The following TMEM87B variants were observed in gnomAD, a reference collection of about 807,000 sequenced individuals.
TMEM87B encodes transmembrane protein 87B.
TMEM87B carries 83 observed loss-of-function variants against 80.3 expected under a neutral mutation model. That is an observed-to-expected ratio of 1.03 (90% CI 0.87 to 1.24). The LOEUF (loss-of-function observed/expected upper bound fraction) is 1.24, where lower values mean the gene tolerates loss of function less well. Among genes scored for constraint, TMEM87B ranks in the 50% most tolerant of loss-of-function variants. The pLI is 0.00. For synonymous variants in TMEM87B, 219 were observed against 230.5 expected, an observed-to-expected ratio of 0.95 and a Z score of 0.45; for missense variants, 625 against 674.4, an observed-to-expected ratio of 0.93 and a Z score of 0.81.
At chr2:112,067,843 A>G (rs1678482362) in intron 4 of TMEM87B, among the ~76,000 whole-genome samples, 1 of 152,242 alleles carries the variant, frequency 6.6e-6, no homozygotes, top group Non-Finnish European at 1.5e-5. Context: ...ACTTACCAGC[A>G]TTTGACACAT....
At chr2:112,068,596 T>C (rs999787166) in intron 4 of TMEM87B, among the ~76,000 whole-genome samples, 9 of 150,590 alleles carry the variant, frequency 6.0e-5, no homozygotes, top group Admixed American at 5.3e-4. Context: ...CCCAGCTACT[T>C]GGGAGGCTGA....
chr2:112,061,346 A>G (rs777535854), intron 2 of TMEM87B, among the ~76,000 whole-genome samples: 10 of 152,230 alleles, frequency 6.6e-5, no homozygotes, highest in Non-Finnish European at 1.2e-4. Context: ...TGGCTTCTAC[A>G]GGATCCAAAG....
chr2:112,055,582 C>T lies in TMEM87B; in HGVS notation c.-10C>T, dbSNP rs1678017619. The T allele has an allele frequency of 1.3e-6, 2 of 1,507,868 alleles. No individual in the cohort carries two copies. Among genetic ancestry groups the T allele is most frequent in the Non-Finnish European group, 1.8e-6 (2 of 1,131,510 alleles). 93.4% of individuals were successfully genotyped at this position (1,507,868 alleles called of 1,614,324 possible). A position where few individuals can be genotyped will look rare whatever the true frequency, so the allele number is the denominator to read the frequency against. ...CGTCTCGGAGCGCCAGGTGCAGCTT[C>T]CTGGTCAAGATGGTCGCCGCCTGCC... On this transcript the variant is annotated 5_prime_UTR_variant, in exon 1 of 19. Coordinates refer to ENST00000283206, the MANE Select transcript of TMEM87B (RefSeq NM_032824.3).
intron 4 of TMEM87B, among the ~76,000 whole-genome samples, chr2:112,070,416 A>G (rs1250180211): frequency 1.3e-5 from 2 of 152,154 alleles, no homozygotes; most frequent in East Asian, 1.9e-4. Context: ...TCCCAGCACC[A>G]TTTATTGAAT....
At chr2:112,075,649 T>G (rs1678791625) in intron 5 of TMEM87B, among the ~76,000 whole-genome samples, 1 of 152,216 alleles carries the variant, frequency 6.6e-6, no homozygotes, top group South Asian at 2.1e-4. Context: ...GGGGAATTAC[T>G]AAAAGTTAGA....
chr2:112,055,603 C>A lies in TMEM87B; in HGVS notation c.12C>A (p.Ala4=). MVA[A]CRSVAGLLPR... is the part of the protein sequence containing the mutation. ...GCTTCCTGGTCAAGATGGTCGCCGC[C>A]TGCCGCTCGGTAGCCGGGCTCCTGC... Residue 4 remains alanine (A), a synonymous_variant, in exon 1 of 19, where the codon GCC becomes GCA. Transcript: ENST00000283206. 1 of 1,528,682 alleles carries A rather than the reference C, an allele frequency of 6.5e-7. No homozygotes were observed. The highest frequency in any genetic ancestry group is 8.8e-7 in the Non-Finnish European group (1 of 1,139,952). 94.7% of individuals were successfully genotyped at this position (1,528,682 alleles called of 1,614,324 possible).
chr2:112,085,211 A>G (rs1473753747), intron 8 of TMEM87B, among the ~76,000 whole-genome samples: 1 of 152,220 alleles, frequency 6.6e-6, no homozygotes, highest in African/African-American at 2.4e-5. Context: ...CCCTGCCTTT[A>G]TGACCAGCCT....
chr2:112,078,435 G>A (rs72940098), intron 6 of TMEM87B, among the ~76,000 whole-genome samples: 9,866 of 152,178 alleles, frequency 0.065, 664 homozygotes, highest in African/African-American at 0.17. Context: ...CTCTCACGGG[G>A]TGGAGGCAGA....
At chr2:112,098,750 A>G (rs773342189) in intron 14 of TMEM87B, 52 bp downstream of exon 14, 12 of 1,541,784 alleles carry the variant, frequency 7.8e-6, no homozygotes, top group South Asian at 2.2e-5. Context: ...ATCACCTTCT[A>G]TAGTGTCAAG....
chr2:112,100,027 C>T (rs1679587875), intron 14 of TMEM87B, among the ~76,000 whole-genome samples: 1 of 152,136 alleles, frequency 6.6e-6, no homozygotes, highest in Non-Finnish European at 1.5e-5. Context: ...GGTTATTAGA[C>T]ATTTTGTTTA....
chr2:112,097,304 T>C lies in TMEM87B; in HGVS notation c.1272+13T>C, dbSNP rs375244075. 2.5e-6 allele frequency: 4 copies of C among 1,578,928 alleles called. No individual in the cohort carries two copies. The highest frequency in any genetic ancestry group is 2.6e-6 in the Non-Finnish European group (3 of 1,164,396). ...AAAATGCCAATCAGTAAGTATAACCTTCCTATTTAAACAGTTATTTTTATT... is the reference window on the plus strand; with the variant it reads ...AAAATGCCAATCAGTAAGTATAACCCTCCTATTTAAACAGTTATTTTTATT... On this transcript the variant is annotated intron_variant, in intron 13 of 18. Coordinates refer to ENST00000283206, the MANE Select transcript of TMEM87B (RefSeq NM_032824.3).
chr2:112,077,113 A>G (rs1487924939), intron 5 of TMEM87B, 79 bp from the exon 6 acceptor site: 93 of 636,838 alleles, frequency 1.5e-4, no homozygotes, highest in Non-Finnish European at 2.4e-5. Flanking sequence ...TTACTTTAAA[A>G]TATGGCAAAC....
intron 15 of TMEM87B, among the ~76,000 whole-genome samples, chr2:112,101,376 T>G (rs1679627477): frequency 6.6e-6 from 1 of 152,132 alleles, no homozygotes; most frequent in Non-Finnish European, 1.5e-5. Flanking sequence ...TTGAAAAGCT[T>G]AGTGAAAAGT....
At chr2:112,089,850 A>G in intron 10 of TMEM87B, 132 bp downstream of exon 10, 2 of 781,886 alleles carry the variant, frequency 2.6e-6, no homozygotes, top group Non-Finnish European at 4.2e-6. Context: ...CTTCTATGGG[A>G]TGTTTCCCTT....
In TMEM87B at chr2:112,081,125, A is replaced by G; in HGVS notation, c.654+7A>G. The stretch of plus-strand genomic sequence containing the variant: ...AGATTGGCCCCTAATGATTGTGAGT[A>G]TTTCTCATCATTTTTTCCTTTTTAA... On this transcript the variant is annotated splice_region_variant and intron_variant, in intron 7 of 18. Transcript: ENST00000283206. 2 of 1,611,346 alleles carry G rather than the reference A, an allele frequency of 1.2e-6. No individual in the cohort carries two copies. The highest frequency in any genetic ancestry group is 1.7e-6 in the Non-Finnish European group (2 of 1,179,178).
rs749222333 is a variant in TMEM87B at position 112,095,165 on chromosome 2, C to CTTTTTTTTTTTTTTTTTTTTTTTTTTTT, written c.1105-1859_1105-1832dup. The CTTTTTTTTTTTTTTTTTTTTTTTTTTTT allele has an allele frequency of 3.1e-5, 17 of 540,884 alleles. 5 individuals are homozygous for CTTTTTTTTTTTTTTTTTTTTTTTTTTTT. The highest frequency in any genetic ancestry group is 4.4e-5 in the African/African-American group (1 of 22,598). The allele number at this position is 540,884 out of a possible 1,614,324, so 33.5% of individuals were successfully genotyped here. A position where few individuals can be genotyped will look rare whatever the true frequency, so the allele number is the denominator to read the frequency against. On this transcript the variant is annotated intron_variant, in intron 11 of 18. Transcript: ENST00000283206. ...CGTTTCTCTTTTCTTTTCTTTCTTT[C>CTTTTTTTTTTTTTTTTTTTTTTTTTTTT]TTTTTTTTTTTTTTTTTTTTTTTTT... is the stretch of plus-strand genomic sequence containing the variant.
Position 112,055,385 on chromosome 2 carries a change from C to G in TMEM87B, c.-207C>G, listed in dbSNP as rs1678008320. On this transcript the variant is annotated 5_prime_UTR_variant, in exon 1 of 19. Coordinates refer to ENST00000283206, the MANE Select transcript of TMEM87B (RefSeq NM_032824.3). ...CCCAGCTGCACGCTCGGGCCCGGCT[C>G]AGAGCCCTAAGCCCTGCCTCCCGGT... is the stretch of plus-strand genomic sequence containing the variant. 8.9e-6 allele frequency: 5 copies of G among 558,692 alleles called. No individual in the cohort carries two copies. In the South Asian group the frequency reaches 1.2e-4, roughly 14 times the overall value. 34.6% of individuals were successfully genotyped at this position (558,692 alleles called of 1,614,324 possible). A position where few individuals can be genotyped will look rare whatever the true frequency, so the allele number is the denominator to read the frequency against.
At position 112,116,077 on chromosome 2, in the gene TMEM87B, T is replaced by C. The variant is rs770103023; in HGVS notation, c.1609-7T>C. 1.1e-5 allele frequency: 18 copies of C among 1,610,410 alleles called. No individual in the cohort carries two copies. The African/African-American group carries it at 2.1e-4, about 19-fold the overall frequency. On this transcript the variant is annotated splice_polypyrimidine_tract_variant and splice_region_variant and intron_variant, in intron 18 of 18. Transcript: ENST00000283206. ...TGTTGATACATATCTTCTTTTTTTT[T>C]CTTCAGGAAATCATGACCAGATCTG...
intron 16 of TMEM87B, among the ~76,000 whole-genome samples, chr2:112,106,792 C>G (rs9308669): frequency 0.58 from 88,534 of 152,014 alleles, 26,666 homozygotes; most frequent in East Asian, 0.88. Flanking sequence ...AGTTCTGACA[C>G]GATAGATAAT....
Sources: allele counts gnomAD v4.1 joint callset (sites outside exome capture counted in the v4.1 genomes callset), GRCh38; gene constraint gnomAD v4.1.1; transcripts MANE v1.5; gene names NCBI Gene and HGNC (gene_info 2026-07-23, HGNC 2026-07-21).